OR51B5: variants seen among roughly 807,000 people sequenced by gnomAD.
The protein encoded by OR51B5 is olfactory receptor family 51 subfamily B member 5.
For missense variants in OR51B5, 456 were observed against 374.6 expected (o/e 1.22, Z -1.79); for synonymous variants, 186 against 144.8 (o/e 1.28, Z -2.04).
chr11:5,402,339 A>C (rs1261066806), intron 1 of OR51B5, among the ~76,000 whole-genome samples: 1 of 152,192 alleles, frequency 6.6e-6, no homozygotes, highest in East Asian at 1.9e-4. Context: ...CTTTCTGCCT[A>C]TAATGTAATA....
At chr11:5,400,862 A>C (rs1011814354) in intron 1 of OR51B5, among the ~76,000 whole-genome samples, 1 of 152,230 alleles carries the variant, frequency 6.6e-6, no homozygotes, top group Non-Finnish European at 1.5e-5. Flanking sequence ...CCATTACGGA[A>C]TAGTGAGGTC....
chr11:5,409,214 A>G (rs1850106631), intron 1 of OR51B5, among the ~76,000 whole-genome samples: 1 of 152,162 alleles, frequency 6.6e-6, no homozygotes, highest in Non-Finnish European at 1.5e-5. Context: ...GCCCTCTCAG[A>G]TTCTGGAGAG....
chr11:5,358,824 C>A (rs1849234881), intron 1 of OR51B5, among the ~76,000 whole-genome samples: 1 of 152,132 alleles, frequency 6.6e-6, no homozygotes, highest in Non-Finnish European at 1.5e-5. Context: ...CCCTGGGATG[C>A]AAGGCTGGTT....
At chr11:5,378,500 A>C (rs1221964456) in intron 1 of OR51B5, among the ~76,000 whole-genome samples, 1 of 152,218 alleles carries the variant, frequency 6.6e-6, no homozygotes, top group Non-Finnish European at 1.5e-5. Context: ...ACAGCTAAAG[A>C]AACTACCATC....
At chr11:5,359,143 G>A (rs1337382390) in intron 1 of OR51B5, among the ~76,000 whole-genome samples, 1 of 152,078 alleles carries the variant, frequency 6.6e-6, no homozygotes, top group Non-Finnish European at 1.5e-5. Context: ...TTTCTGGCCA[G>A]GGCAATTAGG....
At chr11:5,441,129 C>A in intron 1 of OR51B5, 1 of 1,613,966 alleles carries the variant, frequency 6.2e-7, no homozygotes, top group Non-Finnish European at 8.5e-7. Flanking sequence ...TAATGGATAA[C>A]AAATAGCCAC....
At chr11:5,348,860 A>G (rs942528882) in intron 1 of OR51B5, among the ~76,000 whole-genome samples, 1 of 152,136 alleles carries the variant, frequency 6.6e-6, no homozygotes, top group African/African-American at 2.4e-5. Context: ...ACCATCACAG[A>G]AAGGATAATA....
At chr11:5,418,543 G>A (rs1042738296) in intron 1 of OR51B5, among the ~76,000 whole-genome samples, 56 of 152,050 alleles carry the variant, frequency 3.7e-4, no homozygotes, top group African/African-American at 1.3e-3. Flanking sequence ...GGAATACTAC[G>A]CCGCCATGAA....
intron 1 of OR51B5, chr11:5,362,763 T>C: frequency 1.1e-5 from 1 of 94,458 alleles, no homozygotes; most frequent in Non-Finnish European, 2.3e-5. Context: ...ACTTGTGATA[T>C]CTATAAAGAG....
At chr11:5,470,584 A>G (rs1000973920) in intron 1 of OR51B5, among the ~76,000 whole-genome samples, 5 of 152,158 alleles carry the variant, frequency 3.3e-5, no homozygotes, top group Admixed American at 3.3e-4. Flanking sequence ...GTAAGAGTTC[A>G]TTGTCATCTT....
At chr11:5,441,451 T>A (rs1263765470) in intron 1 of OR51B5, 1 of 1,613,656 alleles carries the variant, frequency 6.2e-7, no homozygotes, top group African/African-American at 1.3e-5. Context: ...CCTGTTTGTA[T>A]CCCAGGAATG....
At chr11:5,344,036 G>C (rs545431424), upstream of OR51B5, among the ~76,000 whole-genome samples, 2 of 152,304 alleles carry the variant, frequency 1.3e-5, no homozygotes, top group South Asian at 4.1e-4. Context: ...AGAAAGAAAA[G>C]TGTGGGAAGA....
chr11:5,403,618 T>C (rs567294159), intron 1 of OR51B5: 2 of 413,248 alleles, frequency 4.8e-6, no homozygotes, highest in East Asian at 1.4e-4. Flanking sequence ...TGGCCCTAGA[T>C]TGCATGTTAT....
chr11:5,432,025 G>C (rs377197253), intron 1 of OR51B5, among the ~76,000 whole-genome samples: 1 of 152,112 alleles, frequency 6.6e-6, no homozygotes, highest in East Asian at 1.9e-4. Context: ...TATGTGTTGG[G>C]AACATGTCAA....
intron 1 of OR51B5, among the ~76,000 whole-genome samples, chr11:5,429,524 G>A (rs1336235892): frequency 6.6e-6 from 1 of 152,188 alleles, no homozygotes; most frequent in Admixed American, 6.5e-5. Context: ...AATCAGCACA[G>A]TTCCATAAAT....
intron 1 of OR51B5, chr11:5,392,778 G>C (rs1025115955): frequency 1.3e-5 from 2 of 152,162 alleles, no homozygotes; most frequent in Non-Finnish European, 2.9e-5. Context: ...CGGGCATGGT[G>C]GTGGGCACCT....
intron 1 of OR51B5, among the ~76,000 whole-genome samples, chr11:5,397,067 A>T (rs1589973623): frequency 6.6e-6 from 1 of 152,250 alleles, no homozygotes; most frequent in African/African-American, 2.4e-5. Flanking sequence ...GATGGATTAA[A>T]GACTTAAATG....
intron 1 of OR51B5, chr11:5,455,929 CA>C (rs1425060080): frequency 6.6e-6 from 1 of 152,006 alleles, no homozygotes; most frequent in Non-Finnish European, 1.5e-5. Context: ...GTATGATTTC[CA>C]ATGGAAAATT....
upstream of OR51B5, among the ~76,000 whole-genome samples, chr11:5,345,107 T>C (rs1015584651): frequency 3.3e-5 from 5 of 152,310 alleles, no homozygotes; most frequent in Admixed American, 2.6e-4. Context: ...TCATAGGGCC[T>C]TACAGACCAC....
Sources: gnomAD v4.1 joint callset for allele counts (sites outside exome capture counted in the v4.1 genomes callset) on GRCh38, gnomAD v4.1.1 for gene constraint, MANE v1.5 for transcripts, NCBI Gene and HGNC (gene_info 2026-07-23, HGNC 2026-07-21) for gene names.